Variants in ANKRD35 observed in about 807,000 individuals in gnomAD.
ANKRD35 encodes ankyrin repeat domain-containing protein 35.
In ANKRD35, 102 loss-of-function variants were observed where a neutral mutation model predicts 109.9. The observed-to-expected ratio is 0.93, with a 90% CI of 0.79 to 1.09. ANKRD35 has a LOEUF of 1.09. Ranked by LOEUF, ANKRD35 falls within the 50% of genes least tolerant of loss-of-function variation. The pLI is 0.00. For missense variants in ANKRD35, 1,240 were observed against 1,230.1 expected (o/e 1.01, Z -0.12); for synonymous variants, 515 against 512.4 (o/e 1.01, Z -0.07).
Position 145,876,139 on chromosome 1 carries a change from C to T in ANKRD35, c.560+1G>A, listed in dbSNP as rs191164356. On this transcript the variant is annotated splice_donor_variant, in intron 7 of 13. Coordinates refer to ENST00000355594, the MANE Select transcript of ANKRD35 (RefSeq NM_144698.5). LOFTEE classifies it high-confidence loss of function. ...GGGGTGCATAGACGAGGGGGGCTCA[C>T]TTGTCATTCTTGTCTGTAACATTAA... is the stretch of plus-strand genomic sequence containing the variant. 1.9e-6 allele frequency: 3 copies of T among 1,613,620 alleles called. No individual in the cohort carries two copies. The highest frequency in any genetic ancestry group is 4.5e-5 in the East Asian group (2 of 44,868).
rs141567577 is a variant in ANKRD35, at chr1:145,867,357, C to G, written c.2979G>C (p.Leu993=). ...YMEHEVYNIL[L]QILSMEEE is the part of the protein sequence containing the mutation. Reference sequence around the variant, plus strand: ...ACTCCTCTTCCATGCTAAGGATTTGCAGCAGGATATTGTACACTTCATGTT... The same window carrying G: ...ACTCCTCTTCCATGCTAAGGATTTGGAGCAGGATATTGTACACTTCATGTT... Residue 993 remains leucine, a synonymous_variant, in exon 13 of 14, where the codon CTG becomes CTC. Transcript: ENST00000355594. The G allele has an allele frequency of 4.0e-5, 64 of 1,613,818 alleles. No individual in the cohort carries two copies. Among genetic ancestry groups the G allele is most frequent in the Admixed American group, 5.0e-5 (3 of 59,970 alleles).
chr1:145,873,597 G>T lies in ANKRD35; in HGVS notation c.1172C>A (p.Ala391Glu), dbSNP rs782577066. The change falls in exon 10 of 14, where the codon GCA (alanine) becomes GAA (glutamate). Residue 391 changes from alanine (A) to glutamate (E), a missense_variant. Coordinates refer to ENST00000355594, the MANE Select transcript of ANKRD35 (RefSeq NM_144698.5). ...TAATACTGGATTTACTGTGGCTGCT[G>T]CCTGCTGCTGCTTCTTTAGCTCTTG... ...STQELKKQQQAAATVNPVLAP... is the reference protein window; with the variant it reads ...STQELKKQQQEAATVNPVLAP... 4 of 1,614,006 alleles carry T rather than the reference G, an allele frequency of 2.5e-6. No homozygotes were observed. Among genetic ancestry groups the T allele is most frequent in the Non-Finnish European group, 3.4e-6 (4 of 1,179,994 alleles).
intron 10 of ANKRD35, among the ~76,000 whole-genome samples, chr1:145,869,574 C>G (rs1553738261): frequency 6.6e-6 from 1 of 152,010 alleles, no homozygotes; most frequent in Non-Finnish European, 1.5e-5. Context: ...ATCCTGGGCT[C>G]AAGCCAACCT....
At chr1:145,874,731 T>G in intron 8 of ANKRD35, 91 bp downstream of exon 8, 1 of 1,397,996 alleles carries the variant, frequency 7.2e-7, no homozygotes, top group Non-Finnish European at 9.5e-7. Context: ...GACAATTATT[T>G]GTCAGATAGA....
intron 3 of ANKRD35, 106 bp downstream of exon 3, chr1:145,878,285 A>T (rs1204873421): frequency 8.1e-7 from 1 of 1,241,426 alleles, no homozygotes; most frequent in Non-Finnish European, 1.1e-6. Context: ...TAAGGAGAGA[A>T]GCAAGGGGCC....
chr1:145,876,687 T>G, intron 5 of ANKRD35, 48 bp from the exon 6 acceptor site: 1 of 1,612,684 alleles, frequency 6.2e-7, no homozygotes, highest in Non-Finnish European at 8.5e-7. Context: ...GAAAGCCTAC[T>G]CAGACTATGA....
At chr1:145,884,640 T>G (rs971215784) in intron 1 of ANKRD35, among the ~76,000 whole-genome samples, 11 of 139,898 alleles carry the variant, frequency 7.9e-5, no homozygotes, top group African/African-American at 2.0e-4. Context: ...AATCTTATGT[T>G]TTTTTTTTTC....
chr1:145,871,820 C>A (rs1294463066), intron 10 of ANKRD35, among the ~76,000 whole-genome samples, 162 bp downstream of exon 10: 1 of 152,142 alleles, frequency 6.6e-6, no homozygotes, highest in Non-Finnish European at 1.5e-5. Context: ...CCCCTCAGAC[C>A]CACGAGAACA....
Position 145,877,949 on chromosome 1 carries a change from A to G in ANKRD35, c.324+19T>C. The G allele has an allele frequency of 6.2e-7, 1 of 1,612,438 alleles. No homozygotes were observed. Among genetic ancestry groups the G allele is most frequent in the Non-Finnish European group, 8.5e-7 (1 of 1,178,552 alleles). ...CACTTCTTCCCTTCATAAGAGTGGT[A>G]TCAAGGGACTGCTCTTACCTGAAGC... On this transcript the variant is annotated intron_variant, in intron 4 of 13. Coordinates refer to ENST00000355594, the MANE Select transcript of ANKRD35 (RefSeq NM_144698.5).
In ANKRD35 at chr1:145,873,821, C is replaced by G. The variant is rs1172729799; in HGVS notation, c.948G>C (p.Leu316=). 16 of 1,609,778 alleles carry G rather than the reference C, an allele frequency of 9.9e-6. No individual in the cohort carries two copies. The African/African-American group carries it at 2.0e-4, about 20-fold the overall frequency. ...TCTTACACTCTTCTGTCTTTTGCAC[C>G]AGCTCCTGCTCCAGCCGAACAACTT... is the stretch of plus-strand genomic sequence containing the variant. ...RRKVVRLEQE[L]VQKTEECKTQ... The change falls in exon 10 of 14, where the codon CTG becomes CTC. Residue 316 remains leucine, a synonymous_variant. Coordinates refer to ENST00000355594, the MANE Select transcript of ANKRD35 (RefSeq NM_144698.5).
chr1:145,878,654 C>A (rs1024902531), intron 2 of ANKRD35, among the ~76,000 whole-genome samples, 175 bp from the exon 3 acceptor site: 2 of 152,168 alleles, frequency 1.3e-5, no homozygotes, highest in Admixed American at 1.3e-4. Context: ...GGCCTCCAAT[C>A]ACAAAGGATG....
At position 145,873,533 on chromosome 1, in the gene ANKRD35, G is replaced by T. The variant is rs782439538; in HGVS notation, c.1236C>A (p.Ile412=). ...KKAEDSAPGK[I]QYEVHGRSQP... is the part of the protein sequence containing the mutation. ...GGGACCTTCCATGGACTTCATACTG[G>T]ATCTTTCCTGGGGCTGAGTCCTCAG... The change falls in exon 10 of 14, where the codon ATC becomes ATA. Residue 412 remains isoleucine, a synonymous_variant. Transcript: ENST00000355594. 1 of 1,614,106 alleles carries T rather than the reference G, an allele frequency of 6.2e-7. No homozygotes were observed. Among genetic ancestry groups the T allele is most frequent in the Non-Finnish European group, 8.5e-7 (1 of 1,180,038 alleles).
rs1654013547 is a variant in ANKRD35, at chr1:145,874,994, G to A, written c.573C>T (p.Ile191=). 16 of 1,599,796 alleles carry A rather than the reference G, an allele frequency of 1.0e-5. No individual in the cohort carries two copies. The highest frequency in any genetic ancestry group is 1.3e-5 in the African/African-American group (1 of 74,336). Residue 191 remains isoleucine, a synonymous_variant, in exon 8 of 14, where the codon ATC becomes ATT. Transcript: ENST00000355594. ...VTDKNDKSAL[I]LACEKGSAEV... is the part of the protein sequence containing the mutation. ...CGGCACTGCCTTTCTCACAGGCCAG[G>A]ATCAAAGCCGATCTGTGGGTTGAGA...
intron 10 of ANKRD35, among the ~76,000 whole-genome samples, chr1:145,871,409 C>T (rs934297035): frequency 1.3e-5 from 2 of 151,916 alleles, no homozygotes; most frequent in African/African-American, 2.4e-5. Flanking sequence ...GTGATCCACC[C>T]GCCTCGGCAT....
chr1:145,880,562 T>C (rs1553740930), intron 1 of ANKRD35, among the ~76,000 whole-genome samples: 2 of 152,192 alleles, frequency 1.3e-5, no homozygotes, highest in African/African-American at 4.8e-5. Flanking sequence ...TAAAGAGCCA[T>C]ACAAATATAT....
At chr1:145,868,452 A>G in intron 10 of ANKRD35, 52 bp from the exon 11 acceptor site, 1 of 1,536,236 alleles carries the variant, frequency 6.5e-7, no homozygotes, top group Non-Finnish European at 9.0e-7. Context: ...CATTTCTCCC[A>G]CAAGGGTCAA....
At chr1:145,876,978 G>T (rs1483516985) in intron 4 of ANKRD35, 105 bp from the exon 5 acceptor site, 2 of 1,207,238 alleles carry the variant, frequency 1.7e-6, no homozygotes, top group Non-Finnish European at 2.4e-6. Flanking sequence ...GGAGGGGCAG[G>T]AGGTCCACTT....
intron 10 of ANKRD35, among the ~76,000 whole-genome samples, chr1:145,870,154 G>C (rs112227333): frequency 6.7e-6 from 1 of 149,538 alleles, no homozygotes; most frequent in Admixed American, 6.7e-5. Flanking sequence ...GCAGTGGCGC[G>C]ATCTCAGCTC....
intron 4 of ANKRD35, among the ~76,000 whole-genome samples, chr1:145,877,460 C>T (rs1352564743): frequency 3.3e-5 from 5 of 152,130 alleles, no homozygotes; most frequent in African/African-American, 1.2e-4. Flanking sequence ...TCTCGATCTC[C>T]TGATCTTGTG....
Sources: allele counts gnomAD v4.1 joint callset (sites outside exome capture counted in the v4.1 genomes callset), GRCh38; gene constraint gnomAD v4.1.1; transcripts MANE v1.5; gene names NCBI Gene and HGNC (gene_info 2026-07-23, HGNC 2026-07-21).